RAB28: variants seen among roughly 807,000 people sequenced by gnomAD.
The protein encoded by RAB28 is RAB28, member RAS oncogene family, also known as ras-related protein Rab-28.
RAB28 carries 24 observed loss-of-function variants against 31.7 expected under a neutral mutation model. The observed-to-expected ratio is 0.76, with a 90% CI of 0.55 to 1.06. The LOEUF (loss-of-function observed/expected upper bound fraction) is 1.06. Among genes scored for constraint, RAB28 ranks in the 50% least tolerant of loss-of-function variants. The probability of loss-of-function intolerance (pLI) is 0.00; values close to 1 mark genes in which losing one functional copy is unlikely to be tolerated. For missense variants in RAB28, 254 were observed against 258.5 expected, an observed-to-expected ratio of 0.98 and a Z score of 0.12; for synonymous variants, 100 against 90.4, an observed-to-expected ratio of 1.11 and a Z score of -0.60.
intron 4 of RAB28, among the ~76,000 whole-genome samples, chr4:13,430,173 A>T (rs190962938): frequency 0.048 from 7,250 of 151,106 alleles, 174 homozygotes; most frequent in Non-Finnish European, 0.062. Context: ...ATTAAAAAAA[A>T]TTTTTTTTTT....
At chr4:13,440,489 T>A (rs1165163832) in intron 4 of RAB28, among the ~76,000 whole-genome samples, 2 of 152,126 alleles carry the variant, frequency 1.3e-5, no homozygotes, top group Non-Finnish European at 2.9e-5. Context: ...ATCAATATTT[T>A]TATATATATA....
intron 4 of RAB28, among the ~76,000 whole-genome samples, chr4:13,453,107 TTC>T (rs1378207056): frequency 1.3e-5 from 2 of 152,112 alleles, no homozygotes; most frequent in African/African-American, 4.8e-5. Flanking sequence ...TGCTTTTGGT[TTC>T]TGTTTGTATA....
intron 3 of RAB28, among the ~76,000 whole-genome samples, chr4:13,465,601 A>C (rs1223553085): frequency 2.6e-5 from 4 of 151,936 alleles, no homozygotes; most frequent in Non-Finnish European, 4.4e-5. Flanking sequence ...GAAAAACAAA[A>C]GTTGAGAGCA....
chr4:13,393,855 CAAA>C (rs759509251), intron 4 of RAB28, among the ~76,000 whole-genome samples: 36 of 79,378 alleles, frequency 4.5e-4, no homozygotes, highest in African/African-American at 8.6e-4. Flanking sequence ...TCACAGGCTA[CAAA>C]AAAAAAAAAA....
chr4:13,431,117 C>T (rs1024985396), intron 4 of RAB28, among the ~76,000 whole-genome samples: 3 of 152,184 alleles, frequency 2.0e-5, no homozygotes, highest in Admixed American at 6.5e-5. Context: ...CTGAACACCA[C>T]CCTCTTACAA....
At position 13,412,402 on chromosome 4, in the gene RAB28, A is replaced by C. The variant is rs549526109; in HGVS notation, c.392-30808T>G. On this transcript the variant is annotated intron_variant, in intron 4 of 6. Coordinates refer to ENST00000330852, the MANE Select transcript of RAB28 (RefSeq NM_001017979.3). Reference sequence around the variant, plus strand: ...TCTATACACCGCAAGCAACTATCTAATGTCAATCTGTGGCTGGGGGGAAGA... The same window carrying C: ...TCTATACACCGCAAGCAACTATCTACTGTCAATCTGTGGCTGGGGGGAAGA... Among the ~76,000 whole-genome samples the C allele has an allele frequency of 3.3e-5, 5 of 152,270 alleles. No homozygotes were observed. In the South Asian group the frequency reaches 1.0e-3, roughly 32 times the overall value.
intron 1 of RAB28, among the ~76,000 whole-genome samples, chr4:13,481,434 G>C (rs1716600186): frequency 1.3e-5 from 2 of 152,002 alleles, no homozygotes; most frequent in African/African-American, 4.8e-5. Flanking sequence ...AATTTCTCAA[G>C]TCACTGTATA....
At chr4:13,439,624 G>A (rs1476214000) in intron 4 of RAB28, among the ~76,000 whole-genome samples, 1 of 152,100 alleles carries the variant, frequency 6.6e-6, no homozygotes, top group Non-Finnish European at 1.5e-5. Flanking sequence ...TGAGATTACC[G>A]GCATAAGCAC....
intron 4 of RAB28, among the ~76,000 whole-genome samples, chr4:13,385,633 T>A (rs1729336649): frequency 6.6e-6 from 1 of 152,078 alleles, no homozygotes; most frequent in South Asian, 2.1e-4. Flanking sequence ...AAGCAAATGC[T>A]CAGGGAATTC....
intron 4 of RAB28, among the ~76,000 whole-genome samples, chr4:13,431,816 T>C (rs1713820361): frequency 6.6e-6 from 1 of 150,962 alleles, no homozygotes; most frequent in South Asian, 2.1e-4. Flanking sequence ...CAACAGCAAA[T>C]ACAAAAATAA....
intron 4 of RAB28, among the ~76,000 whole-genome samples, chr4:13,392,533 T>C (rs1451607487): frequency 6.6e-6 from 1 of 152,184 alleles, no homozygotes; most frequent in Non-Finnish European, 1.5e-5. Context: ...TACAGATTCA[T>C]CTGGAAAGAA....
intron 2 of RAB28, among the ~76,000 whole-genome samples, chr4:13,478,585 T>C (rs1026775501): frequency 6.6e-6 from 1 of 151,678 alleles, no homozygotes; most frequent in Non-Finnish European, 1.5e-5. Flanking sequence ...TTTCAGTACA[T>C]GAATCTGACA....
At chr4:13,398,634 C>A (rs942579434) in intron 4 of RAB28, among the ~76,000 whole-genome samples, 3 of 151,936 alleles carry the variant, frequency 2.0e-5, no homozygotes, top group Non-Finnish European at 4.4e-5. Flanking sequence ...AAAAATTAGC[C>A]GGGCATGATG....
At chr4:13,463,257 G>C (rs1715689475) in intron 3 of RAB28, among the ~76,000 whole-genome samples, 1 of 151,922 alleles carries the variant, frequency 6.6e-6, no homozygotes, top group Non-Finnish European at 1.5e-5. Context: ...TCCCAACATG[G>C]GACAACACCT....
At chr4:13,465,680 T>C (rs1715804849) in intron 3 of RAB28, among the ~76,000 whole-genome samples, 1 of 151,510 alleles carries the variant, frequency 6.6e-6, no homozygotes, top group Non-Finnish European at 1.5e-5. Context: ...GAAAATGATA[T>C]GGGTCAGAAA....
chr4:13,373,207 T>C (rs1728781528), intron 6 of RAB28, among the ~76,000 whole-genome samples: 1 of 152,148 alleles, frequency 6.6e-6, no homozygotes, highest in African/African-American at 2.4e-5. Context: ...AAGAGCCGAT[T>C]GCTGGATTTC....
At chr4:13,411,597 C>T (rs1025042194) in intron 4 of RAB28, among the ~76,000 whole-genome samples, 1 of 151,986 alleles carries the variant, frequency 6.6e-6, no homozygotes, top group Admixed American at 6.6e-5. Context: ...AGGGAAATTC[C>T]AAATTACATA....
rs115135091 is a variant in RAB28, at chr4:13,416,945, C to G, written c.392-35351G>C. ...AAGCAGGGCGGGGCATCACTTCACC[C>G]AGGAAACACAAGGGGTCGGGGGATT... On this transcript the variant is annotated intron_variant, in intron 4 of 6. Transcript: ENST00000330852. Among the ~76,000 whole-genome samples the G allele has an allele frequency of 7.9e-3, 1,201 of 152,298 alleles. 16 individuals are homozygous for G. Among genetic ancestry groups the G allele is most frequent in the African/African-American group, 0.028 (1,150 of 41,568 alleles).
At chr4:13,402,128 A>G (rs1258030726) in intron 4 of RAB28, among the ~76,000 whole-genome samples, 2 of 152,192 alleles carry the variant, frequency 1.3e-5, no homozygotes, top group African/African-American at 2.4e-5. Flanking sequence ...ATTCTTTTAA[A>G]TTTGTTAATG....
Sources: gnomAD v4.1 joint callset for allele counts (sites outside exome capture counted in the v4.1 genomes callset) on GRCh38, gnomAD v4.1.1 for gene constraint, MANE v1.5 for transcripts, NCBI Gene and HGNC (gene_info 2026-07-23, HGNC 2026-07-21) for gene names.